The following FGGY variants were observed in gnomAD, a reference collection of about 807,000 sequenced individuals.
FGGY encodes FGGY carbohydrate kinase domain containing, also known as FGGY carbohydrate kinase domain-containing protein.
FGGY carries 72 observed loss-of-function variants against 71.3 expected under a neutral mutation model. The observed-to-expected ratio is 1.01, with a 90% confidence interval of 0.84 to 1.23. FGGY has a LOEUF of 1.23. Among genes scored for constraint, FGGY ranks in the 50% most tolerant of loss-of-function variants. The pLI is 0.00. For synonymous variants in FGGY, 251 were observed against 250.3 expected (o/e 1.00, Z -0.02); for missense variants, 668 against 682.3 (o/e 0.98, Z 0.23).
At chr1:59,710,300 G>C (rs1297443289) in intron 14 of FGGY, among the ~76,000 whole-genome samples, 1 of 152,064 alleles carries the variant, frequency 6.6e-6, no homozygotes, top group Non-Finnish European at 1.5e-5. Flanking sequence ...ATTAACTCAA[G>C]ATGGATTAAA....
chr1:59,695,642 G>GTACCT (rs2097650937), intron 14 of FGGY, among the ~76,000 whole-genome samples: 2 of 152,176 alleles, frequency 1.3e-5, no homozygotes, highest in Admixed American at 1.3e-4. Flanking sequence ...GGAGATAAGT[G>GTACCT]GTTTCCCAAC....
At chr1:59,593,849 T>C (rs905894807) in intron 8 of FGGY, among the ~76,000 whole-genome samples, 1 of 152,178 alleles carries the variant, frequency 6.6e-6, no homozygotes, top group Non-Finnish European at 1.5e-5. Context: ...CGAAGGGTCA[T>C]GTGAAGTGTC....
At chr1:59,573,576 T>A (rs1165124383) in intron 8 of FGGY, among the ~76,000 whole-genome samples, 1 of 152,190 alleles carries the variant, frequency 6.6e-6, no homozygotes. Flanking sequence ...CAATAATTCT[T>A]TGTTCTATTT....
At chr1:59,555,080 GAT>G (rs2095663936) in intron 8 of FGGY, among the ~76,000 whole-genome samples, 1 of 152,132 alleles carries the variant, frequency 6.6e-6, no homozygotes, top group Non-Finnish European at 1.5e-5. Context: ...TTTACCATCA[GAT>G]ATTCTAGTTC....
intron 7 of FGGY, among the ~76,000 whole-genome samples, chr1:59,528,892 T>C (rs2095064611): frequency 6.6e-6 from 1 of 152,256 alleles, no homozygotes; most frequent in Admixed American, 6.5e-5. Flanking sequence ...TGTATCATTA[T>C]AGCTCAGCCA....
intron 9 of FGGY, among the ~76,000 whole-genome samples, chr1:59,610,814 G>T (rs929930745): frequency 6.6e-6 from 1 of 152,206 alleles, no homozygotes; most frequent in African/African-American, 2.4e-5. Context: ...ACTCCCACAC[G>T]GCTACTGCGC....
At chr1:59,561,004 G>T (rs186658000) in intron 8 of FGGY, among the ~76,000 whole-genome samples, 192 of 152,284 alleles carry the variant, frequency 1.3e-3, no homozygotes, top group African/African-American at 4.4e-3. Flanking sequence ...TTCCCCTGAG[G>T]CCTGAGCAGG....
chr1:59,462,860 G>A (rs962125249), intron 6 of FGGY, among the ~76,000 whole-genome samples: 1 of 151,684 alleles, frequency 6.6e-6, no homozygotes, highest in African/African-American at 2.4e-5. Context: ...ACTGTTGGTG[G>A]GACTGTAAAC....
chr1:59,554,240 A>G lies in FGGY; in HGVS notation c.903+13A>G, dbSNP rs774380736. The stretch of plus-strand genomic sequence containing the variant: ...TTGTCACATGGGGGTGAGTCCACTG[A>G]GCACAAAGGCAAGGCCACCACACAG... On this transcript the variant is annotated intron_variant, in intron 8 of 15. Coordinates refer to ENST00000303721, the MANE Select transcript of FGGY (RefSeq NM_018291.5). 62 of 1,605,996 alleles carry G rather than the reference A, an allele frequency of 3.9e-5. No individual in the cohort carries two copies. The highest frequency in any genetic ancestry group is 3.3e-5 in the Admixed American group (2 of 59,862).
chr1:59,555,372 G>A (rs1371858037), intron 8 of FGGY, among the ~76,000 whole-genome samples: 2 of 152,170 alleles, frequency 1.3e-5, no homozygotes, highest in Non-Finnish European at 2.9e-5. Context: ...TTTACTAAGT[G>A]TGGGCCTTTG....
chr1:59,525,554 C>G (rs1049708642), intron 7 of FGGY, among the ~76,000 whole-genome samples: 8 of 152,182 alleles, frequency 5.3e-5, no homozygotes, highest in Non-Finnish European at 1.2e-4. Flanking sequence ...TGGCCATACT[C>G]TGTGTGTGTT....
chr1:59,552,287 C>T (rs555106692), intron 7 of FGGY, among the ~76,000 whole-genome samples: 2 of 152,198 alleles, frequency 1.3e-5, no homozygotes, highest in Non-Finnish European at 2.9e-5. Flanking sequence ...AGCAGAGCAG[C>T]GGACTTGATC....
At position 59,529,421 on chromosome 1, in the gene FGGY, G is replaced by T. The variant is rs764783137; in HGVS notation, c.799+16982G>T. ...GAGGTTAGCTACCATGGTCCTTCTG[G>T]GAAGTGGGAAGGGATAGCCTTTGAA... On this transcript the variant is annotated intron_variant, in intron 7 of 15. Coordinates refer to ENST00000303721, the MANE Select transcript of FGGY (RefSeq NM_018291.5). 5.6e-4 allele frequency among the ~76,000 whole-genome samples: 86 copies of T among 152,296 alleles called. 1 individual carries two copies. The Middle Eastern group carries it at 0.014, about 24-fold the overall frequency.
At chr1:59,685,713 A>G (rs2097538719) in intron 14 of FGGY, among the ~76,000 whole-genome samples, 1 of 152,174 alleles carries the variant, frequency 6.6e-6, no homozygotes, top group South Asian at 2.1e-4. Flanking sequence ...TATCTATGGG[A>G]CAGATCTGGC....
At chr1:59,347,567 A>G (rs561563945) in intron 4 of FGGY, among the ~76,000 whole-genome samples, 1 of 152,252 alleles carries the variant, frequency 6.6e-6, no homozygotes, top group South Asian at 2.1e-4. Flanking sequence ...ATACATGTGC[A>G]TGTGTCTTTA....
At chr1:59,335,435 T>C (rs989310630) in intron 2 of FGGY, among the ~76,000 whole-genome samples, 1 of 152,246 alleles carries the variant, frequency 6.6e-6, no homozygotes, top group South Asian at 2.1e-4. Context: ...TACAATACTT[T>C]ATTTAACAGT....
intron 5 of FGGY, among the ~76,000 whole-genome samples, chr1:59,430,685 C>T (rs764687286): frequency 2.0e-4 from 31 of 152,040 alleles, no homozygotes; most frequent in Non-Finnish European, 4.1e-4. Flanking sequence ...AGATGGTACA[C>T]GTTTTCCATT....
chr1:59,753,741 A>C (rs1228169531), intron 14 of FGGY, among the ~76,000 whole-genome samples: 1 of 151,856 alleles, frequency 6.6e-6, no homozygotes, highest in Non-Finnish European at 1.5e-5. Context: ...AGCAAACAAA[A>C]AATTATGTAG....
chr1:59,622,344 G>T (rs889922185), intron 9 of FGGY, among the ~76,000 whole-genome samples: 7 of 151,958 alleles, frequency 4.6e-5, no homozygotes. Context: ...ACATTTTCCT[G>T]TTCCTCAATA....
Sources: gnomAD v4.1 joint callset for allele counts (sites outside exome capture counted in the v4.1 genomes callset) on GRCh38, gnomAD v4.1.1 for gene constraint, MANE v1.5 for transcripts, NCBI Gene and HGNC (gene_info 2026-07-23, HGNC 2026-07-21) for gene names.